Variants in CNTNAP4 observed in about 807,000 individuals in gnomAD.
CNTNAP4 encodes contactin-associated protein-like 4.
A neutral mutation model predicts 148.4 loss-of-function variants in CNTNAP4; 98 were observed. That is an observed-to-expected ratio of 0.66 (90% CI 0.56 to 0.78). The LOEUF is 0.78. Ranked by LOEUF, CNTNAP4 falls within the 30% of genes least tolerant of loss-of-function variation. The probability of loss-of-function intolerance (pLI) is 0.00; values close to 1 mark genes in which losing one functional copy is unlikely to be tolerated. For missense variants in CNTNAP4, 1,935 were observed against 1,565.6 expected (o/e 1.24, Z -3.98); for synonymous variants, 730 against 565.1 (o/e 1.29, Z -4.14).
chr16:76,431,623 G>A (rs1031845757), intron 4 of CNTNAP4, among the ~76,000 whole-genome samples: 1 of 152,170 alleles, frequency 6.6e-6, no homozygotes, highest in Non-Finnish European at 1.5e-5. Context: ...AGGTTGCAGT[G>A]AACCGAAATC....
intron 15 of CNTNAP4, among the ~76,000 whole-genome samples, chr16:76,519,851 G>C (rs1479200421): frequency 6.6e-6 from 1 of 152,162 alleles, no homozygotes; most frequent in East Asian, 1.9e-4. Context: ...TTTTGAATCA[G>C]ATCCACCAGA....
chr16:76,347,449 C>T (rs1012726328), intron 2 of CNTNAP4, among the ~76,000 whole-genome samples: 2 of 152,014 alleles, frequency 1.3e-5, no homozygotes, highest in African/African-American at 4.8e-5. Flanking sequence ...AGCTTGTATT[C>T]TAATAAATAT....
At chr16:76,529,857 G>GTGTT (rs2083896456) in intron 17 of CNTNAP4, among the ~76,000 whole-genome samples, 1 of 151,756 alleles carries the variant, frequency 6.6e-6, no homozygotes, top group Non-Finnish European at 1.5e-5. Flanking sequence ...GTGTGTGTGT[G>GTGTT]TGTGTGTGTG....
At chr16:76,357,974 T>C (rs1418585844) in intron 3 of CNTNAP4, among the ~76,000 whole-genome samples, 5 of 152,306 alleles carry the variant, frequency 3.3e-5, no homozygotes, top group Non-Finnish European at 7.4e-5. Flanking sequence ...GATGTGAGTA[T>C]GTCAGTCTGC....
At chr16:76,417,927 G>A (rs976117491) in intron 3 of CNTNAP4, among the ~76,000 whole-genome samples, 3 of 151,434 alleles carry the variant, frequency 2.0e-5, no homozygotes, top group Non-Finnish European at 4.4e-5. Context: ...TCCTCTCTTT[G>A]CTTGCTTGCT....
chr16:76,494,411 T>A (rs2082330196), intron 13 of CNTNAP4, among the ~76,000 whole-genome samples: 1 of 152,180 alleles, frequency 6.6e-6, no homozygotes. Flanking sequence ...TGCCAAATCA[T>A]GCCTAACGTT....
At chr16:76,439,029 G>A (rs1811191068) in intron 4 of CNTNAP4, among the ~76,000 whole-genome samples, 1 of 151,968 alleles carries the variant, frequency 6.6e-6, no homozygotes, top group African/African-American at 2.4e-5. Context: ...TTACCAACTT[G>A]TAAATGTACA....
chr16:76,545,924 A>G (rs1020016316), intron 21 of CNTNAP4, among the ~76,000 whole-genome samples: 2 of 151,990 alleles, frequency 1.3e-5, no homozygotes, highest in Non-Finnish European at 2.9e-5. Flanking sequence ...AGTCTCAGCT[A>G]CTCAGGAGGC....
At chr16:76,445,180 G>T (rs184019807) in intron 4 of CNTNAP4, among the ~76,000 whole-genome samples, 1 of 152,290 alleles carries the variant, frequency 6.6e-6, no homozygotes, top group African/African-American at 2.4e-5. Flanking sequence ...CAAGATTACT[G>T]ATTAAGATCT....
intron 1 of CNTNAP4, chr16:76,309,884 G>C (rs1247400041): frequency 1.4e-6 from 1 of 701,698 alleles, no homozygotes; most frequent in Non-Finnish European, 2.6e-6. Flanking sequence ...ATGATTCTGA[G>C]GCCTTCCCAG....
chr16:76,468,668 T>C (rs2081262046), intron 10 of CNTNAP4, among the ~76,000 whole-genome samples: 1 of 151,828 alleles, frequency 6.6e-6, no homozygotes, highest in Non-Finnish European at 1.5e-5. Context: ...TATTTTTTTG[T>C]AGAGACAGGG....
chr16:76,332,955 A>C (rs1244881681), intron 2 of CNTNAP4, among the ~76,000 whole-genome samples: 5 of 152,212 alleles, frequency 3.3e-5, no homozygotes, highest in Non-Finnish European at 7.3e-5. Flanking sequence ...CGGACTGACC[A>C]GGAAGGTCTG....
chr16:76,395,870 A>G (rs984504604), intron 3 of CNTNAP4, among the ~76,000 whole-genome samples: 2 of 151,998 alleles, frequency 1.3e-5, no homozygotes, highest in African/African-American at 4.8e-5. Flanking sequence ...CTAGGACTAC[A>G]GGTGTGTCCC....
intron 3 of CNTNAP4, among the ~76,000 whole-genome samples, chr16:76,420,119 G>T (rs551048188): frequency 9.6e-6 from 1 of 103,794 alleles, no homozygotes; most frequent in East Asian, 3.2e-4. Flanking sequence ...TTGTGGTGCA[G>T]TGTAGAGCAG....
chr16:76,435,885 A>T (rs960892101), intron 4 of CNTNAP4, among the ~76,000 whole-genome samples: 4 of 152,116 alleles, frequency 2.6e-5, no homozygotes, highest in Admixed American at 2.6e-4. Context: ...ATTCAGCCTG[A>T]TCTAATTCTA....
Position 76,370,020 on chromosome 16 carries a change from C to G in CNTNAP4, c.390+14509C>G, listed in dbSNP as rs2014613433. ...CTGGAAACACCCTCACAGACATACT[C>G]AGAAATAATATTTTGCCAGCTGTCT... On this transcript the variant is annotated intron_variant, in intron 3 of 23. Coordinates refer to ENST00000611870, the MANE Select transcript of CNTNAP4 (RefSeq NM_033401.5). Among the ~76,000 whole-genome samples the G allele has an allele frequency of 2.0e-5, 3 of 152,184 alleles. 1 individual carries two copies. In the South Asian group the frequency reaches 6.2e-4, roughly 31 times the overall value.
rs1373061100 is a variant in CNTNAP4, at chr16:76,499,564, TTTA to T, written c.2365+873_2365+875del. Among the ~76,000 whole-genome samples, 13 of 151,438 alleles carry T rather than the reference TTTA, an allele frequency of 8.6e-5. No homozygotes were observed. The East Asian group carries it at 1.7e-3, about 20-fold the overall frequency. The stretch of plus-strand genomic sequence containing the variant: ...TCTTTTTTATTTATTTATTTATTTA[TTTA>T]TTTTAGTATTTATTGATCATTCTTG... On this transcript the variant is annotated intron_variant, in intron 15 of 23. Coordinates refer to ENST00000611870, the MANE Select transcript of CNTNAP4 (RefSeq NM_033401.5).
At chr16:76,279,393 A>G (rs1056856484) in intron 1 of CNTNAP4, among the ~76,000 whole-genome samples, 3 of 152,210 alleles carry the variant, frequency 2.0e-5, no homozygotes, top group African/African-American at 4.8e-5. Context: ...TTGAAGCTCA[A>G]TAAAAAGTGT....
rs556175287 is a variant in CNTNAP4 at position 76,468,588 on chromosome 16, A to T, written c.1655+1065A>T. On this transcript the variant is annotated intron_variant, in intron 10 of 23. Transcript: ENST00000611870. Reference sequence around the variant, plus strand: ...CTGCACCCTCCACCTCCTTAGCTCAAGCCATCCTATCTCAGCCTCCTGAGT... The same window carrying T: ...CTGCACCCTCCACCTCCTTAGCTCATGCCATCCTATCTCAGCCTCCTGAGT... Among the ~76,000 whole-genome samples the T allele has an allele frequency of 4.6e-5, 7 of 152,230 alleles. No homozygotes were observed. In the South Asian group the frequency reaches 1.5e-3, roughly 32 times the overall value.
Sources: allele counts gnomAD v4.1 joint callset (sites outside exome capture counted in the v4.1 genomes callset), GRCh38; gene constraint gnomAD v4.1.1; transcripts MANE v1.5; gene names NCBI Gene and HGNC (gene_info 2026-07-23, HGNC 2026-07-21).